The following CPS1 variants were observed in gnomAD, a reference collection of about 807,000 sequenced individuals.
The protein encoded by CPS1 is carbamoyl-phosphate synthase 1, also known as carbamoyl-phosphate synthase [ammonia], mitochondrial.
Under a neutral mutation model 174.6 loss-of-function variants are expected in CPS1, and 109 were observed. That is an observed-to-expected ratio of 0.62 (90% CI 0.53 to 0.73). The LOEUF (loss-of-function observed/expected upper bound fraction) is 0.73, where lower values mean the gene tolerates loss of function less well. Ranked by LOEUF, CPS1 falls within the 30% of genes least tolerant of loss-of-function variation. The pLI is 0.00. For synonymous variants in CPS1, 637 were observed against 632.0 expected (o/e 1.01, Z -0.12); for missense variants, 1,689 against 1,821.9 (o/e 0.93, Z 1.33).
intron 5 of CPS1, among the ~76,000 whole-genome samples, chr2:210,582,407 C>T (rs906469041): frequency 1.3e-5 from 2 of 152,140 alleles, no homozygotes; most frequent in Non-Finnish European, 2.9e-5. Context: ...CCTAGAAGAA[C>T]TAATTGTATT....
At chr2:210,525,221 G>T (rs1295472506) in intron 1 of CPS1, among the ~76,000 whole-genome samples, 1 of 151,834 alleles carries the variant, frequency 6.6e-6, no homozygotes, top group Non-Finnish European at 1.5e-5. Flanking sequence ...GGCACACCAT[G>T]TAAAACTTAG....
chr2:210,635,695 G>A (rs927268102), intron 21 of CPS1, among the ~76,000 whole-genome samples: 2 of 152,212 alleles, frequency 1.3e-5, no homozygotes, highest in African/African-American at 2.4e-5. Flanking sequence ...ATATTGGATT[G>A]CATTCAAGAA....
chr2:210,572,225 A>C (rs1405878571), intron 1 of CPS1, among the ~76,000 whole-genome samples: 1 of 152,002 alleles, frequency 6.6e-6, no homozygotes, highest in African/African-American at 2.4e-5. Context: ...CAACAACTTA[A>C]AAATGTAACT....
At chr2:210,521,797 C>T (rs1695833378) in intron 1 of CPS1, among the ~76,000 whole-genome samples, 1 of 151,924 alleles carries the variant, frequency 6.6e-6, no homozygotes, top group Admixed American at 6.6e-5. Flanking sequence ...TTATTTTTCT[C>T]CACATTATCA....
intron 6 of CPS1, among the ~76,000 whole-genome samples, chr2:210,585,110 G>T (rs975043988): frequency 3.3e-5 from 5 of 151,970 alleles, no homozygotes; most frequent in Non-Finnish European, 7.4e-5. Context: ...TGAAAGGATT[G>T]TCTCTTTCAC....
intron 27 of CPS1, among the ~76,000 whole-genome samples, chr2:210,649,773 A>G (rs79429837): frequency 9.5e-4 from 144 of 152,336 alleles, no homozygotes; most frequent in Non-Finnish European, 1.6e-3. Flanking sequence ...GTCAAAATTC[A>G]GAGTAAATTG....
upstream of CPS1, among the ~76,000 whole-genome samples, chr2:210,554,836 T>TACACACACACAC (rs3060397): frequency 4.7e-4 from 70 of 147,880 alleles, no homozygotes; most frequent in Middle Eastern, 3.5e-3. Context: ...CAACCCTCAC[T>TACACACACACAC]ACACACACAC....
intron 1 of CPS1, among the ~76,000 whole-genome samples, chr2:210,510,891 A>T (rs1175623875): frequency 2.0e-5 from 3 of 152,144 alleles, no homozygotes; most frequent in African/African-American, 7.2e-5. Flanking sequence ...ACAGGTGCTG[A>T]AGAGGATGTG....
chr2:210,517,728 T>C (rs1467300660), intron 1 of CPS1, among the ~76,000 whole-genome samples: 3 of 152,080 alleles, frequency 2.0e-5, no homozygotes, highest in Admixed American at 1.3e-4. Context: ...AATCACAGCA[T>C]GTAGCTTTTG....
At chr2:210,513,873 AG>A (rs1226719537) in intron 1 of CPS1, among the ~76,000 whole-genome samples, 5 of 152,092 alleles carry the variant, frequency 3.3e-5, no homozygotes, top group African/African-American at 1.2e-4. Flanking sequence ...GTATGGTGAA[AG>A]GTAGGAGTCC....
chr2:210,492,037 C>G (rs1270170885), intron 1 of CPS1, among the ~76,000 whole-genome samples: 1 of 152,070 alleles, frequency 6.6e-6, no homozygotes, highest in African/African-American at 2.4e-5. Flanking sequence ...GGGCAGAAGC[C>G]GACAAAGTTG....
At chr2:210,675,011 C>A in intron 35 of CPS1, 50 bp downstream of exon 35, 1 of 1,409,064 alleles carries the variant, frequency 7.1e-7, no homozygotes, top group Non-Finnish European at 1.0e-6. Context: ...AATCTGTCCA[C>A]AAATCAAAAT....
At chr2:210,526,772 T>TG (rs1695983074) in intron 1 of CPS1, among the ~76,000 whole-genome samples, 1 of 151,920 alleles carries the variant, frequency 6.6e-6, no homozygotes, top group African/African-American at 2.4e-5. Flanking sequence ...AGCCTTTGAA[T>TG]GGGTAGCACA....
At chr2:210,642,232 A>G (rs1700247367) in intron 24 of CPS1, among the ~76,000 whole-genome samples, 1 of 152,240 alleles carries the variant, frequency 6.6e-6, no homozygotes. Flanking sequence ...TCAAATATTG[A>G]GATTTTCTAT....
intron 16 of CPS1, chr2:210,604,898 A>C (rs1159315514): frequency 1.7e-6 from 1 of 576,652 alleles, no homozygotes; most frequent in East Asian, 3.0e-5. Flanking sequence ...TCAATAATGT[A>C]AATCAAGCAT....
chr2:210,514,253 A>T (rs1207435978), intron 1 of CPS1, among the ~76,000 whole-genome samples: 1 of 152,000 alleles, frequency 6.6e-6, no homozygotes, highest in African/African-American at 2.4e-5. Flanking sequence ...AATAGTGTTG[A>T]ATCTGTAGCT....
chr2:210,490,867 C>G lies in CPS1; in HGVS notation c.3+13101C>G, dbSNP rs769388719. 2.6e-5 allele frequency among the ~76,000 whole-genome samples: 4 copies of G among 152,274 alleles called. No homozygotes were observed. The South Asian group carries it at 8.3e-4, about 32-fold the overall frequency. On this transcript the variant is annotated intron_variant, in intron 1 of 38. Transcript: ENST00000430249. ...GTTTTTGTGTGTAAGATAATATTATCCACAGAATCCTAGGTTGGGAGTCTA... is the reference window on the plus strand; with the variant it reads ...GTTTTTGTGTGTAAGATAATATTATGCACAGAATCCTAGGTTGGGAGTCTA...
At chr2:210,622,700 C>T (rs1699568339) in intron 21 of CPS1, among the ~76,000 whole-genome samples, 1 of 150,464 alleles carries the variant, frequency 6.6e-6, no homozygotes, top group South Asian at 2.1e-4. Flanking sequence ...TTTACACCCC[C>T]AAGCATTATT....
intron 31 of CPS1, 43 bp downstream of exon 31, chr2:210,658,731 TACGTC>T: frequency 1.4e-6 from 2 of 1,418,008 alleles, no homozygotes; most frequent in South Asian, 2.3e-5. Context: ...ACCACTGTGT[TACGTC>T]ATGTTGGTTT....
Sources: allele counts gnomAD v4.1 joint callset (sites outside exome capture counted in the v4.1 genomes callset), GRCh38; gene constraint gnomAD v4.1.1; transcripts MANE v1.5; gene names NCBI Gene and HGNC (gene_info 2026-07-23, HGNC 2026-07-21).